The following CHD6 variants were observed in gnomAD, a reference collection of about 807,000 sequenced individuals.
CHD6 encodes chromodomain helicase DNA binding protein 6.
A neutral mutation model predicts 276.9 loss-of-function variants in CHD6; 50 were observed. The ratio of observed to expected loss-of-function variants is 0.18; its 90% CI spans 0.14 to 0.23. The LOEUF (loss-of-function observed/expected upper bound fraction) is 0.23. Among genes scored for constraint, CHD6 ranks in the 10% least tolerant of loss-of-function variants. The probability of loss-of-function intolerance (pLI) is 1.00; values close to 1 mark genes in which losing one functional copy is unlikely to be tolerated. For synonymous variants in CHD6, 1,173 were observed against 1,229.3 expected (o/e 0.95, Z 0.96); for missense variants, 2,564 against 3,365.8 (o/e 0.76, Z 5.89).
At chr20:41,609,113 T>G (rs1342971653) in intron 1 of CHD6, among the ~76,000 whole-genome samples, 1 of 152,210 alleles carries the variant, frequency 6.6e-6, no homozygotes, top group African/African-American at 2.4e-5. Flanking sequence ...TTCAGCACAC[T>G]GGGCTTTCCA....
rs148626744 is a variant in CHD6 at position 41,451,471 on chromosome 20, A to G, written c.3523+355T>C. Among the ~76,000 whole-genome samples the G allele has an allele frequency of 2.7e-3, 413 of 152,336 alleles. 2 individuals carry two copies. The highest frequency in any genetic ancestry group is 0.024 in the Middle Eastern group (7 of 294). On this transcript the variant is annotated intron_variant, in intron 22 of 36. Transcript: ENST00000373233. ...TTAGCCAAGGATAGGGAAGGAATGTAGCACAAGAAAAGGCACAGACAGAGG... is the reference window on the plus strand; with the variant it reads ...TTAGCCAAGGATAGGGAAGGAATGTGGCACAAGAAAAGGCACAGACAGAGG...
chr20:41,417,457 A>G (rs906417385), intron 31 of CHD6, 108 bp from the exon 32 acceptor site: 1 of 887,622 alleles, frequency 1.1e-6, no homozygotes, highest in African/African-American at 1.7e-5. Context: ...AAATTAGCTC[A>G]TTCTGTGCTA....
At chr20:41,439,537 A>G (rs2047832613) in intron 26 of CHD6, among the ~76,000 whole-genome samples, 1 of 152,204 alleles carries the variant, frequency 6.6e-6, no homozygotes, top group Non-Finnish European at 1.5e-5. Context: ...ATGGCCGTCA[A>G]GGAGCGGCCC....
At chr20:41,534,137 C>A (rs2044764588) in intron 2 of CHD6, among the ~76,000 whole-genome samples, 1 of 152,176 alleles carries the variant, frequency 6.6e-6, no homozygotes, top group Admixed American at 6.5e-5. Flanking sequence ...TACAACTTCA[C>A]AACACAGCTA....
At chr20:41,602,776 A>G (rs2045786589) in intron 1 of CHD6, among the ~76,000 whole-genome samples, 1 of 152,136 alleles carries the variant, frequency 6.6e-6, no homozygotes, top group Non-Finnish European at 1.5e-5. Flanking sequence ...CAGTGGCATG[A>G]TCATGGGCAA....
chr20:41,431,001 T>C (rs1361590735), intron 27 of CHD6, among the ~76,000 whole-genome samples: 2 of 151,890 alleles, frequency 1.3e-5, no homozygotes, highest in African/African-American at 2.4e-5. Context: ...ACCTGGCTAA[T>C]TTTTTATATT....
At chr20:41,428,816 G>A (rs576556321) in intron 27 of CHD6, among the ~76,000 whole-genome samples, 16 of 152,276 alleles carry the variant, frequency 1.1e-4, no homozygotes, top group African/African-American at 3.4e-4. Context: ...TTTTGCAGCT[G>A]ATTAAAACTG....
chr20:41,490,030 A>G lies in CHD6; in HGVS notation c.1437-9T>C. The stretch of plus-strand genomic sequence containing the variant: ...CCAAAATACAGTTTTTTCTGCAGAG[A>G]GTGAGAAATATAGGTAATTCATTAT... On this transcript the variant is annotated splice_polypyrimidine_tract_variant and intron_variant, in intron 11 of 36. Transcript: ENST00000373233. The G allele has an allele frequency of 6.2e-7, 1 of 1,611,736 alleles. No homozygotes were observed. Among genetic ancestry groups the G allele is most frequent in the Non-Finnish European group, 8.5e-7 (1 of 1,177,974 alleles).
intron 5 of CHD6, among the ~76,000 whole-genome samples, chr20:41,509,638 C>T (rs1277782477): frequency 1.3e-5 from 2 of 152,148 alleles, no homozygotes; most frequent in Non-Finnish European, 2.9e-5. Flanking sequence ...AAATTCAAGT[C>T]CTTCTGTTCC....
chr20:41,435,374 T>A (rs1308008425), intron 27 of CHD6, among the ~76,000 whole-genome samples: 1 of 151,990 alleles, frequency 6.6e-6, no homozygotes, highest in Non-Finnish European at 1.5e-5. Flanking sequence ...GGAGGGAGGA[T>A]TGCTTGAACT....
At chr20:41,593,207 G>T (rs978455674) in intron 1 of CHD6, among the ~76,000 whole-genome samples, 1 of 150,950 alleles carries the variant, frequency 6.6e-6, no homozygotes, top group Non-Finnish European at 1.5e-5. Flanking sequence ...CAAAAAGGGG[G>T]GGGGGGGTTA....
rs1024370118 is a variant in CHD6, at chr20:41,600,264, A to G, written c.-24+18076T>C. On this transcript the variant is annotated intron_variant, in intron 1 of 36. Transcript: ENST00000373233. Reference sequence around the variant, plus strand: ...GACCCAACCCTCAATGGCACAAATCATATGTTATAATCAATGCCTCCCAAC... The same window carrying G: ...GACCCAACCCTCAATGGCACAAATCGTATGTTATAATCAATGCCTCCCAAC... Among the ~76,000 whole-genome samples the G allele has an allele frequency of 5.3e-5, 8 of 152,346 alleles. No homozygotes were observed. In the East Asian group the frequency reaches 5.8e-4, roughly 11 times the overall value.
intron 1 of CHD6, among the ~76,000 whole-genome samples, chr20:41,561,384 T>C (rs1416773084): frequency 6.6e-6 from 1 of 152,234 alleles, no homozygotes; most frequent in Non-Finnish European, 1.5e-5. Flanking sequence ...TATGAATCAC[T>C]AACTTCTCCT....
chr20:41,598,940 AAGG>A (rs1211862919), intron 1 of CHD6, among the ~76,000 whole-genome samples: 1 of 152,170 alleles, frequency 6.6e-6, no homozygotes, highest in Non-Finnish European at 1.5e-5. Flanking sequence ...ATCACAAAAA[AAGG>A]AGTACTCCCT....
chr20:41,420,478 C>A (rs1249777219), intron 31 of CHD6, 30 bp downstream of exon 31: 3 of 1,568,698 alleles, frequency 1.9e-6, no homozygotes, highest in Non-Finnish European at 2.6e-6. Flanking sequence ...CTAGTTTATC[C>A]AAAATGCCAC....
intron 6 of CHD6, 97 bp downstream of exon 6, chr20:41,499,198 C>A (rs563953372): frequency 5.7e-6 from 5 of 879,596 alleles, no homozygotes; most frequent in African/African-American, 5.2e-5. Context: ...CTCACTCCAG[C>A]CAATAATGGT....
intron 20 of CHD6, among the ~76,000 whole-genome samples, chr20:41,453,575 T>C (rs373514224): frequency 1.1e-4 from 17 of 152,092 alleles, no homozygotes; most frequent in Admixed American, 9.2e-4. Context: ...CAGGCCAGCC[T>C]CCTGACTACT....
chr20:41,498,103 C>T (rs1159155254), intron 7 of CHD6, 65 bp downstream of exon 7: 1 of 1,115,314 alleles, frequency 9.0e-7, no homozygotes, highest in East Asian at 2.4e-5. Context: ...ATAATAAAGT[C>T]ACAAGAGAAA....
intron 1 of CHD6, among the ~76,000 whole-genome samples, chr20:41,593,330 T>C (rs1252889554): frequency 1.3e-5 from 2 of 152,220 alleles, no homozygotes; most frequent in African/African-American, 4.8e-5. Flanking sequence ...TTGGTTTCTT[T>C]ACTTCTTAGT....
Sources: allele counts gnomAD v4.1 joint callset (sites outside exome capture counted in the v4.1 genomes callset), GRCh38; gene constraint gnomAD v4.1.1; transcripts MANE v1.5; gene names NCBI Gene and HGNC (gene_info 2026-07-23, HGNC 2026-07-21).